The following PDSS2 variants were observed in gnomAD, a reference collection of about 807,000 sequenced individuals.
PDSS2 encodes all trans-polyprenyl-diphosphate synthase PDSS2.
In PDSS2, 31 loss-of-function variants were observed where a neutral mutation model predicts 44.5. That is an observed-to-expected ratio of 0.70 (90% confidence interval 0.52 to 0.94). The LOEUF (loss-of-function observed/expected upper bound fraction) is 0.94. PDSS2 is among the 40% of genes least tolerant of loss of function. The probability of loss-of-function intolerance (pLI) is 0.00; values close to 1 mark genes in which losing one functional copy is unlikely to be tolerated. For synonymous variants in PDSS2, 157 were observed against 180.3 expected (o/e 0.87, Z 1.03); for missense variants, 452 against 482.2 (o/e 0.94, Z 0.59).
chr6:107,154,824 A>G (rs782748365), intron 7 of PDSS2, 47 bp from the exon 8 acceptor site: 1 of 1,538,040 alleles, frequency 6.5e-7, no homozygotes, highest in East Asian at 2.2e-5. Flanking sequence ...AAAGGTACAC[A>G]GTAAGCACCA....
At chr6:107,436,902 A>G (rs1371988272) in intron 1 of PDSS2, among the ~76,000 whole-genome samples, 1 of 152,228 alleles carries the variant, frequency 6.6e-6, no homozygotes, top group Non-Finnish European at 1.5e-5. Context: ...ATTTATTCAA[A>G]TTGGCATTAA....
At chr6:107,276,630 C>T (rs1775793165) in intron 2 of PDSS2, among the ~76,000 whole-genome samples, 1 of 152,192 alleles carries the variant, frequency 6.6e-6, no homozygotes, top group Non-Finnish European at 1.5e-5. Context: ...AGAGGGCAAA[C>T]TGTGGCAGAG....
chr6:107,288,684 A>G (rs1776235929), intron 2 of PDSS2, among the ~76,000 whole-genome samples: 1 of 147,230 alleles, frequency 6.8e-6, no homozygotes, highest in Non-Finnish European at 1.5e-5. Flanking sequence ...CAACGAGTTT[A>G]GGTTTTTCTA....
intron 2 of PDSS2, among the ~76,000 whole-genome samples, chr6:107,297,184 A>G (rs1415486966): frequency 6.6e-6 from 1 of 152,200 alleles, no homozygotes; most frequent in African/African-American, 2.4e-5. Flanking sequence ...TTAAAAGACC[A>G]GTGTTTCCCA....
intron 1 of PDSS2, among the ~76,000 whole-genome samples, chr6:107,344,234 C>A (rs1325537912): frequency 6.6e-6 from 1 of 151,884 alleles, no homozygotes; most frequent in Non-Finnish European, 1.5e-5. Flanking sequence ...AGCAATATTA[C>A]TCAGTTATAA....
chr6:107,430,125 T>C (rs1016813202), intron 1 of PDSS2, among the ~76,000 whole-genome samples: 1 of 151,900 alleles, frequency 6.6e-6, no homozygotes, highest in Non-Finnish European at 1.5e-5. Context: ...TGGGGGTTTA[T>C]AACTCACACA....
intron 1 of PDSS2, among the ~76,000 whole-genome samples, chr6:107,389,586 G>C (rs1779718331): frequency 6.6e-6 from 1 of 152,134 alleles, no homozygotes; most frequent in Non-Finnish European, 1.5e-5. Context: ...TAAGGGGGAA[G>C]GCTACAAGGA....
intron 1 of PDSS2, among the ~76,000 whole-genome samples, chr6:107,437,525 C>CAAAA (rs60133518): frequency 7.9e-6 from 1 of 126,720 alleles, no homozygotes; most frequent in African/African-American, 3.2e-5. Context: ...ACCCTGTCTC[C>CAAAA]AAAAAAAAAA....
chr6:107,314,503 T>A (rs555367728), intron 2 of PDSS2, among the ~76,000 whole-genome samples: 3 of 152,220 alleles, frequency 2.0e-5, no homozygotes, highest in Admixed American at 2.0e-4. Context: ...ACAATTACAG[T>A]CTCTATCAAT....
intron 1 of PDSS2, among the ~76,000 whole-genome samples, chr6:107,335,433 G>A (rs1458488325): frequency 6.6e-6 from 1 of 152,184 alleles, no homozygotes; most frequent in African/African-American, 2.4e-5. Flanking sequence ...GGTAGAGAAG[G>A]AGCTCAGAGA....
At chr6:107,198,932 G>C (rs1034336634) in intron 6 of PDSS2, among the ~76,000 whole-genome samples, 4 of 152,140 alleles carry the variant, frequency 2.6e-5, no homozygotes, top group Non-Finnish European at 5.9e-5. Context: ...GGAGGTCAAG[G>C]CTGCAGTGAG....
chr6:107,417,223 T>C (rs1780689498), intron 1 of PDSS2, among the ~76,000 whole-genome samples: 1 of 151,982 alleles, frequency 6.6e-6, no homozygotes, highest in African/African-American at 2.4e-5. Flanking sequence ...AATAGAAACA[T>C]AATGTTCAAA....
chr6:107,434,949 T>C (rs1781303334), intron 1 of PDSS2, among the ~76,000 whole-genome samples: 1 of 152,052 alleles, frequency 6.6e-6, no homozygotes, highest in Non-Finnish European at 1.5e-5. Flanking sequence ...AAAAATTTTT[T>C]TTAAAGCTCA....
At chr6:107,329,391 T>C (rs1777645195) in intron 2 of PDSS2, among the ~76,000 whole-genome samples, 1 of 152,180 alleles carries the variant, frequency 6.6e-6, no homozygotes. Flanking sequence ...CCCTTCACAG[T>C]GTGACTTCAA....
intron 2 of PDSS2, among the ~76,000 whole-genome samples, chr6:107,305,797 T>G (rs970091870): frequency 3.9e-5 from 6 of 152,204 alleles, no homozygotes; most frequent in African/African-American, 1.4e-4. Context: ...GTACCTCTTA[T>G]GTGGAAGGTA....
chr6:107,243,759 C>T (rs1774518545), intron 4 of PDSS2, among the ~76,000 whole-genome samples: 2 of 152,186 alleles, frequency 1.3e-5, no homozygotes. Flanking sequence ...TCCACTCCTA[C>T]AGACCTAGGT....
intron 2 of PDSS2, among the ~76,000 whole-genome samples, chr6:107,314,412 T>G (rs1262687180): frequency 6.6e-6 from 1 of 152,220 alleles, no homozygotes; most frequent in African/African-American, 2.4e-5. Context: ...TTTTCTTTAA[T>G]TACAGTTTCC....
intron 3 of PDSS2, among the ~76,000 whole-genome samples, chr6:107,272,018 C>T (rs1775614916): frequency 6.6e-6 from 1 of 150,842 alleles, no homozygotes; most frequent in Admixed American, 6.6e-5. Flanking sequence ...GATCACGCCA[C>T]TGCACTCCAG....
chr6:107,450,750 ATAAGTTT>A (rs1349132484), intron 1 of PDSS2, among the ~76,000 whole-genome samples: 1 of 152,208 alleles, frequency 6.6e-6, no homozygotes. Context: ...TGGTATGGAC[ATAAGTTT>A]TTATTTCTCT....
Sources: allele counts gnomAD v4.1 joint callset (sites outside exome capture counted in the v4.1 genomes callset), GRCh38; gene constraint gnomAD v4.1.1; transcripts MANE v1.5; gene names NCBI Gene and HGNC (gene_info 2026-07-23, HGNC 2026-07-21).